Variants in ITGA4 observed in about 807,000 individuals in gnomAD.
The protein encoded by ITGA4 is integrin subunit alpha 4.
Under a neutral mutation model 133.6 loss-of-function variants are expected in ITGA4, and 63 were observed. The observed-to-expected ratio is 0.47, with a 90% CI of 0.38 to 0.58. The LOEUF (loss-of-function observed/expected upper bound fraction) is 0.58. ITGA4 is among the 20% of genes least tolerant of loss of function. The pLI is 0.00. For missense variants in ITGA4, 1,076 were observed against 1,252.7 expected (o/e 0.86, Z 2.13); for synonymous variants, 483 against 438.0 (o/e 1.10, Z -1.28).
chr2:181,457,517 CTCCT>C lies in ITGA4; in HGVS notation c.-132_-129del. ...GCCGACTTCCCCTCCTCTTCCCTCT[CTCCT>C]TCCTTTAGCCCGCTGGCGCCGGACA... is the stretch of plus-strand genomic sequence containing the variant. On this transcript the variant is annotated 5_prime_UTR_variant, in exon 1 of 28. Coordinates refer to ENST00000397033, the MANE Select transcript of ITGA4 (RefSeq NM_000885.6). The C allele has an allele frequency of 1.2e-6, 1 of 811,046 alleles. No individual in the cohort carries two copies. The highest frequency in any genetic ancestry group is 1.8e-5 in the South Asian group (1 of 57,124). The allele number at this position is 811,046 out of a possible 1,614,324, so 50.2% of individuals were successfully genotyped here. A position where few individuals can be genotyped will look rare whatever the true frequency, so the allele number is the denominator to read the frequency against.
At chr2:181,512,954 G>C (rs1686534083) in intron 17 of ITGA4, among the ~76,000 whole-genome samples, 1 of 152,042 alleles carries the variant, frequency 6.6e-6, no homozygotes, top group African/African-American at 2.4e-5. Context: ...AAATTGGAGG[G>C]AGACATCTTC....
intron 2 of ITGA4, among the ~76,000 whole-genome samples, chr2:181,465,421 C>G (rs1282621108): frequency 6.6e-6 from 1 of 151,536 alleles, no homozygotes; most frequent in Admixed American, 6.6e-5. Flanking sequence ...GTCTTTTTTT[C>G]TTTTTCTTTT....
Position 181,536,745 on chromosome 2 carries a change from T to TA in ITGA4, c.*1218_*1219insA, listed in dbSNP as rs1423633923. On this transcript the variant is annotated 3_prime_UTR_variant, in exon 28 of 28. Transcript: ENST00000397033. ...GTTCTATTTTAAATGACTTTCTGGATTTTAAAAAATTTCTTTAAATACAAT... is the reference window on the plus strand; with the variant it reads ...GTTCTATTTTAAATGACTTTCTGGATATTTAAAAAATTTCTTTAAATACAAT... 1 of 248,670 alleles carries TA rather than the reference T, an allele frequency of 4.0e-6. No homozygotes were observed. Among genetic ancestry groups the TA allele is most frequent in the African/African-American group, 2.3e-5 (1 of 43,608 alleles). 15.4% of individuals were successfully genotyped at this position (248,670 alleles called of 1,614,324 possible).
chr2:181,535,302 TTA>T (rs2105775915), intron 27 of ITGA4, 128 bp from the exon 28 acceptor site: 1 of 716,160 alleles, frequency 1.4e-6, no homozygotes, highest in South Asian at 2.9e-5. Context: ...TGTTAAACCT[TTA>T]TGACTGATGT....
At chr2:181,498,829 TAGAG>T in intron 15 of ITGA4, 52 bp downstream of exon 15, 1 of 1,527,158 alleles carries the variant, frequency 6.5e-7, no homozygotes. Flanking sequence ...ACGTTGTTGA[TAGAG>T]AGCAACTTAT....
At chr2:181,484,359 G>C (rs984591585) in intron 9 of ITGA4, among the ~76,000 whole-genome samples, 1 of 152,144 alleles carries the variant, frequency 6.6e-6, no homozygotes, top group East Asian at 1.9e-4. Context: ...TCTGTGACTA[G>C]GGAATACTTG....
chr2:181,506,911 T>A (rs1378199725), intron 15 of ITGA4, among the ~76,000 whole-genome samples: 4 of 152,096 alleles, frequency 2.6e-5, no homozygotes, highest in Non-Finnish European at 5.9e-5. Flanking sequence ...GTGTCATGGG[T>A]CTACCTTGAG....
chr2:181,534,414 C>T (rs1188830724), intron 26 of ITGA4, 44 bp downstream of exon 26: 5 of 1,148,710 alleles, frequency 4.4e-6, no homozygotes, highest in South Asian at 2.5e-5. Flanking sequence ...TATAGGAAAA[C>T]ACATTTCAAG....
In ITGA4 at chr2:181,470,850, A is replaced by G. The variant is rs527486343; in HGVS notation, c.320-4110A>G. On this transcript the variant is annotated intron_variant, in intron 2 of 27. Transcript: ENST00000397033. The stretch of plus-strand genomic sequence containing the variant: ...TGATCACGCCAATGCACTGCAGCCT[A>G]GATGACAGAGTGAGATCCTATCTCC... Among the ~76,000 whole-genome samples the G allele has an allele frequency of 3.9e-5, 6 of 152,284 alleles. No individual in the cohort carries two copies. The South Asian group carries it at 1.0e-3, about 26-fold the overall frequency.
chr2:181,529,343 C>A (rs74669312), intron 22 of ITGA4, among the ~76,000 whole-genome samples, 198 bp from the exon 23 acceptor site: 110 of 152,308 alleles, frequency 7.2e-4, no homozygotes, highest in Admixed American at 1.9e-3. Flanking sequence ...AACAATGACT[C>A]ATTTGAAATT....
intron 2 of ITGA4, among the ~76,000 whole-genome samples, chr2:181,473,574 T>A (rs562363807): frequency 8.5e-5 from 13 of 152,342 alleles, no homozygotes; most frequent in Admixed American, 2.6e-4. Flanking sequence ...TTTTCCTGAA[T>A]GACATTTTAG....
At chr2:181,460,886 A>G (rs1416413238) in intron 2 of ITGA4, among the ~76,000 whole-genome samples, 1 of 152,138 alleles carries the variant, frequency 6.6e-6, no homozygotes, top group East Asian at 1.9e-4. Flanking sequence ...TGGCTGAAGA[A>G]AAAAATGTTA....
intron 15 of ITGA4, among the ~76,000 whole-genome samples, chr2:181,509,083 G>C (rs1306030587): frequency 7.2e-6 from 1 of 138,024 alleles, no homozygotes; most frequent in Non-Finnish European, 1.5e-5. Context: ...TCAGAACTGT[G>C]GTGAGCTACA....
Position 181,530,567 on chromosome 2 carries a change from G to A in ITGA4, c.2582G>A (p.Cys861Tyr). Reference protein sequence around the residue: ...ECHFENYQRVCALEQQKSAMQ... With the variant: ...ECHFENYQRVYALEQQKSAMQ... The stretch of plus-strand genomic sequence containing the variant: ...CACTTTGAAAATTATCAAAGAGTGT[G>A]TGCATTAGAGCAGCAAAAGAGTGCA... Residue 861 changes from cysteine to tyrosine, a missense_variant, in exon 24 of 28, where the codon TGT (cysteine) becomes TAT (tyrosine). By Grantham distance (194) the Cys-to-Tyr change is radical. Around this residue, in one of 4 missense-constraint regions of ITGA4, gnomAD observed 365 missense variants for 421.4 expected, o/e 0.87. Transcript: ENST00000397033. 1.9e-6 allele frequency: 3 copies of A among 1,612,722 alleles called. No homozygotes were observed. The highest frequency in any genetic ancestry group is 1.7e-6 in the Non-Finnish European group (2 of 1,178,852).
intron 26 of ITGA4, 55 bp downstream of exon 26, chr2:181,534,425 G>A: frequency 1.9e-6 from 2 of 1,066,072 alleles, no homozygotes; most frequent in Admixed American, 1.8e-5. Context: ...ACATTTCAAG[G>A]GTGTCTATAA....
At chr2:181,460,566 A>AATGTGTGTATGTGTGTGT (rs79689303) in intron 2 of ITGA4, among the ~76,000 whole-genome samples, 1 of 147,958 alleles carries the variant, frequency 6.8e-6, no homozygotes, top group Non-Finnish European at 1.5e-5. Flanking sequence ...TCTGTAGAAG[A>AATGTGTGTATGTGTGTGT]GTGTGTGTGT....
intron 2 of ITGA4, among the ~76,000 whole-genome samples, chr2:181,465,077 C>A (rs1419182659): frequency 6.6e-6 from 1 of 152,122 alleles, no homozygotes; most frequent in African/African-American, 2.4e-5. Flanking sequence ...TAGACATGTT[C>A]TTTTGACATT....
Position 181,535,649 on chromosome 2 carries a change from CATATT to C in ITGA4, c.*125_*129del, listed in dbSNP as rs1687053777. On this transcript the variant is annotated 3_prime_UTR_variant, in exon 28 of 28. Coordinates refer to ENST00000397033, the MANE Select transcript of ITGA4 (RefSeq NM_000885.6). The stretch of plus-strand genomic sequence containing the variant: ...ACTTCTTTTACTCATGATCTTGTGA[CATATT>C]ATGTCTTCATGCAAGGGGAAAATCT... 1 of 1,268,078 alleles carries C rather than the reference CATATT, an allele frequency of 7.9e-7. No individual in the cohort carries two copies. Among genetic ancestry groups the C allele is most frequent in the Non-Finnish European group, 1.1e-6 (1 of 939,248 alleles). The allele number at this position is 1,268,078 out of a possible 1,614,324, so 78.6% of individuals were successfully genotyped here.
chr2:181,496,710 G>A (rs939155862), intron 14 of ITGA4, among the ~76,000 whole-genome samples: 7 of 152,044 alleles, frequency 4.6e-5, no homozygotes, highest in African/African-American at 1.7e-4. Context: ...GTTTTATTTA[G>A]GCTAATATAA....
Sources: allele counts gnomAD v4.1 joint callset (sites outside exome capture counted in the v4.1 genomes callset), GRCh38; gene constraint gnomAD v4.1.1; regional missense constraint gnomAD v4.1.1; transcripts MANE v1.5; gene names NCBI Gene and HGNC (gene_info 2026-07-23, HGNC 2026-07-21).